The following TCAIM variants were observed in gnomAD, a reference collection of about 807,000 sequenced individuals.
TCAIM encodes the protein T-cell activation inhibitor, mitochondrial.
TCAIM carries 36 observed loss-of-function variants against 58.6 expected under a neutral mutation model. That is an observed-to-expected ratio of 0.61 (90% CI 0.47 to 0.81). TCAIM has a LOEUF of 0.81. Among genes scored for constraint, TCAIM ranks in the 30% least tolerant of loss-of-function variants. The pLI, the probability that TCAIM is intolerant of heterozygous loss-of-function variation, is 0.00. For missense variants in TCAIM, 466 were observed against 579.6 expected (o/e 0.80, Z 2.01); for synonymous variants, 172 against 193.6 (o/e 0.89, Z 0.93).
intron 5 of TCAIM, among the ~76,000 whole-genome samples, chr3:44,375,525 C>G (rs1255514754): frequency 6.6e-6 from 1 of 152,204 alleles, no homozygotes; most frequent in African/African-American, 2.4e-5. Flanking sequence ...AATGAGAGTT[C>G]TGCCTCCATG....
rs999367979 is a variant in TCAIM at position 44,408,948 on chromosome 3, C to T, written c.*1266C>T. On this transcript the variant is annotated 3_prime_UTR_variant, in exon 11 of 11. Coordinates refer to ENST00000342649, the MANE Select transcript of TCAIM (RefSeq NM_173826.4). ...CCTTCGGGCAATATTTTTAACCAAC[C>T]CAAAAGCTCTTCAGGTCATTTCTGA... 4 of 152,094 alleles carry T rather than the reference C, an allele frequency of 2.6e-5. No individual in the cohort carries two copies. Among genetic ancestry groups the T allele is most frequent in the African/African-American group, 9.7e-5 (4 of 41,396 alleles). The allele number at this position is 152,094 out of a possible 1,614,324, so 9.4% of individuals were successfully genotyped here. A position where few individuals can be genotyped will look rare whatever the true frequency, so the allele number is the denominator to read the frequency against.
intron 5 of TCAIM, among the ~76,000 whole-genome samples, chr3:44,385,197 A>C (rs965794404): frequency 1.1e-4 from 17 of 152,348 alleles, no homozygotes; most frequent in Middle Eastern, 3.4e-3. Context: ...CAACAAAAGA[A>C]ACCAGCCCTA....
At chr3:44,369,471 AAC>A (rs1431406004) in intron 5 of TCAIM, among the ~76,000 whole-genome samples, 1 of 152,172 alleles carries the variant, frequency 6.6e-6, no homozygotes, top group Non-Finnish European at 1.5e-5. Flanking sequence ...TATTTCGTAG[AAC>A]ACAGTTTTTA....
Position 44,407,462 on chromosome 3 carries a change from A to C in TCAIM, c.1271A>C (p.Glu424Ala). The C allele has an allele frequency of 1.3e-6, 2 of 1,558,008 alleles. No individual in the cohort carries two copies. The highest frequency in any genetic ancestry group is 1.1e-5 in the South Asian group (1 of 88,342). Residue 424 changes from glutamate to alanine, a missense_variant, in exon 11 of 11, where the codon GAA becomes GCA. Coordinates refer to ENST00000342649, the MANE Select transcript of TCAIM (RefSeq NM_173826.4). Reference sequence around the variant, plus strand: ...AATAGGTTAAAGGTTATTGAAAATGAATTGATACAGGCATCAACAAAGAAA... The same window carrying C: ...AATAGGTTAAAGGTTATTGAAAATGCATTGATACAGGCATCAACAAAGAAA... ...RKEELKVIEN[E>A]LIQASTKKFS... is the part of the protein sequence containing the mutation.
chr3:44,377,667 G>C (rs907866335), intron 5 of TCAIM, among the ~76,000 whole-genome samples: 8 of 152,134 alleles, frequency 5.3e-5, no homozygotes, highest in Admixed American at 3.3e-4. Flanking sequence ...AATATACAGA[G>C]TATCTTCTCT....
chr3:44,366,727 A>G (rs1701384301), intron 4 of TCAIM, among the ~76,000 whole-genome samples: 2 of 151,140 alleles, frequency 1.3e-5, no homozygotes, highest in Admixed American at 6.6e-5. Flanking sequence ...CGGCCTCCCA[A>G]AGTGCTGGGA....
chr3:44,393,322 A>C (rs1701869658), intron 6 of TCAIM, among the ~76,000 whole-genome samples: 2 of 151,926 alleles, frequency 1.3e-5, no homozygotes, highest in African/African-American at 2.4e-5. Flanking sequence ...ATAGCTAGGC[A>C]CTATGGCCTG....
intron 6 of TCAIM, 144 bp downstream of exon 6, chr3:44,393,121 T>C (rs961916302): frequency 1.3e-5 from 9 of 707,664 alleles, no homozygotes; most frequent in African/African-American, 3.6e-5. Context: ...CATCATGAAA[T>C]GTTCATCTGT....
At chr3:44,357,625 G>C in intron 2 of TCAIM, 116 bp from the exon 3 acceptor site, 1 of 1,329,648 alleles carries the variant, frequency 7.5e-7, no homozygotes, top group South Asian at 1.9e-5. Context: ...AAACCACAAA[G>C]TATCTATCTT....
intron 4 of TCAIM, among the ~76,000 whole-genome samples, chr3:44,365,213 T>C (rs1038023662): frequency 2.0e-5 from 3 of 152,222 alleles, no homozygotes; most frequent in African/African-American, 7.2e-5. Flanking sequence ...ACCCAAATTA[T>C]TGAACTAAAA....
chr3:44,371,094 T>C (rs1701461870), intron 5 of TCAIM, among the ~76,000 whole-genome samples: 2 of 151,832 alleles, frequency 1.3e-5, no homozygotes. Context: ...GTATTTTTAG[T>C]AGAGACGGGG....
At position 44,392,970 on chromosome 3, in the gene TCAIM, G is replaced by A. The variant is rs766672903; in HGVS notation, c.688G>A (p.Asp230Asn). 1 of 1,609,550 alleles carries A rather than the reference G, an allele frequency of 6.2e-7. No homozygotes were observed. The highest frequency in any genetic ancestry group is 2.2e-5 in the East Asian group (1 of 44,732). Residue 230 changes from aspartate (D) to asparagine (N), a missense_variant, in exon 6 of 11, where the codon GAT becomes AAT. Physicochemically the swap from Asp to Asn is conservative, Grantham distance 23. Coordinates refer to ENST00000342649, the MANE Select transcript of TCAIM (RefSeq NM_173826.4). ...DELSHQLQLSDIRWQRSWGIA... is the reference protein window; with the variant it reads ...DELSHQLQLSNIRWQRSWGIA... Reference sequence around the variant, plus strand: ...ACTGTCTCATCAATTGCAACTCTCAGATATCAGGTAAGAAAGAAGAGAGAA... The same window carrying A: ...ACTGTCTCATCAATTGCAACTCTCAAATATCAGGTAAGAAAGAAGAGAGAA...
In TCAIM at chr3:44,348,310, A is replaced by G. The variant is rs1701013917; in HGVS notation, c.-44-6429A>G. On this transcript the variant is annotated intron_variant, in intron 1 of 10. Coordinates refer to ENST00000342649, the MANE Select transcript of TCAIM (RefSeq NM_173826.4). ...GCCACTAAGCTGAGAAGATCTGGGA[A>G]GGAGTCAGTCAGAGAGCCTTGGGGC... Among the ~76,000 whole-genome samples, 2 of 152,260 alleles carry G rather than the reference A, an allele frequency of 1.3e-5. 1 individual carries two copies. Among genetic ancestry groups the G allele is most frequent in the South Asian group, 4.1e-4 (2 of 4,834 alleles).
chr3:44,375,306 G>GACA (rs1166389454), intron 5 of TCAIM, among the ~76,000 whole-genome samples: 3 of 152,126 alleles, frequency 2.0e-5, no homozygotes, highest in African/African-American at 4.8e-5. Flanking sequence ...TCTGCAGGCT[G>GACA]TACAAGAAGT....
intron 5 of TCAIM, among the ~76,000 whole-genome samples, chr3:44,373,492 T>TA (rs57534272): frequency 3.7e-4 from 54 of 147,434 alleles, no homozygotes; most frequent in Non-Finnish European, 4.9e-4. Flanking sequence ...CCATCTCTAT[T>TA]AAAAAAAAAA....
intron 1 of TCAIM, among the ~76,000 whole-genome samples, chr3:44,343,982 A>G (rs1700909680): frequency 6.6e-6 from 1 of 150,740 alleles, no homozygotes; most frequent in South Asian, 2.1e-4. Flanking sequence ...CTTGAACTTT[A>G]CACAAATTTT....
At chr3:44,368,060 T>A (rs1414182620) in intron 5 of TCAIM, among the ~76,000 whole-genome samples, 1 of 152,198 alleles carries the variant, frequency 6.6e-6, no homozygotes, top group Non-Finnish European at 1.5e-5. Context: ...ACTATACAAA[T>A]ATTTTTTACT....
chr3:44,395,590 G>A (rs1256907660), intron 6 of TCAIM, among the ~76,000 whole-genome samples: 1 of 152,154 alleles, frequency 6.6e-6, no homozygotes, highest in Non-Finnish European at 1.5e-5. Flanking sequence ...CTCTGACATC[G>A]TGTCAGTGTC....
At position 44,354,793 on chromosome 3, in the gene TCAIM, A is replaced by G. The variant is rs35830741; in HGVS notation, c.11A>G (p.His4Arg). The G allele has an allele frequency of 1.1e-5, 18 of 1,611,174 alleles. No individual in the cohort carries two copies. Among genetic ancestry groups the G allele is most frequent in the Non-Finnish European group, 1.5e-5 (18 of 1,179,426 alleles). The part of the protein sequence containing the change: MFC[H>R]LRPMRRLCLE... The stretch of plus-strand genomic sequence containing the variant: ...CATATATATTCAGAAATGTTTTGCC[A>G]CCTGAGACCTATGAGGAGGTAAGCA... The change falls in exon 2 of 11, where the codon CAC (histidine) becomes CGC (arginine). Residue 4 changes from histidine to arginine, a missense_variant. Physicochemically the swap from His to Arg is conservative, Grantham distance 29. Transcript: ENST00000342649.
Sources: gnomAD v4.1 joint callset for allele counts (sites outside exome capture counted in the v4.1 genomes callset) on GRCh38, gnomAD v4.1.1 for gene constraint, MANE v1.5 for transcripts, NCBI Gene and HGNC (gene_info 2026-07-23, HGNC 2026-07-21) for gene names.